Variants in DPM1 observed in about 807,000 individuals in gnomAD.
DPM1 encodes dolichyl-phosphate mannosyltransferase subunit 1, catalytic.
In DPM1, 27 loss-of-function variants were observed where a neutral mutation model predicts 39.0. The observed-to-expected ratio is 0.69, with a 90% CI of 0.51 to 0.95. The LOEUF is 0.95. DPM1 is among the 40% of genes least tolerant of loss of function. The probability of loss-of-function intolerance (pLI) is 0.00; values close to 1 mark genes in which losing one functional copy is unlikely to be tolerated. For missense variants in DPM1, 307 were observed against 315.6 expected (o/e 0.97, Z 0.21); for synonymous variants, 124 against 109.0 (o/e 1.14, Z -0.86).
chr20:50,941,887 TG>T (rs2123096880), intron 6 of DPM1, 143 bp downstream of exon 6: 1 of 729,562 alleles, frequency 1.4e-6, no homozygotes, highest in African/African-American at 1.8e-5. Flanking sequence ...CAGGAAAAAC[TG>T]TAAGAAACTA....
intron 3 of DPM1, 110 bp from the exon 4 acceptor site, chr20:50,946,033 AAGTC>A (rs1986264363): frequency 2.2e-6 from 2 of 905,858 alleles, no homozygotes; most frequent in African/African-American, 1.6e-5. Flanking sequence ...AGTTCTCTAA[AAGTC>A]AGATTAATAA....
intron 5 of DPM1, among the ~76,000 whole-genome samples, chr20:50,943,103 G>A (rs1289901522): frequency 6.6e-6 from 1 of 151,928 alleles, no homozygotes; most frequent in Non-Finnish European, 1.5e-5. Context: ...TTGAACCCGG[G>A]ACGTGGAGGT....
chr20:50,958,214 G>C lies in DPM1; in HGVS notation c.161+149C>G. On this transcript the variant is annotated intron_variant, in intron 1 of 8. Coordinates refer to ENST00000371588, the MANE Select transcript of DPM1 (RefSeq NM_003859.3). ...GAAAACCCAACAAGCATCCGCCTCT[G>C]CTTCCCTCGCAGGGTGGCCCTCTCC... 3 of 1,011,462 alleles carry C rather than the reference G, an allele frequency of 3.0e-6. No individual in the cohort carries two copies. In the South Asian group the frequency reaches 4.1e-5, roughly 14 times the overall value. The allele number at this position is 1,011,462 out of a possible 1,614,324, so 62.7% of individuals were successfully genotyped here. A position where few individuals can be genotyped will look rare whatever the true frequency, so the allele number is the denominator to read the frequency against.
rs78164404 is a variant in DPM1 at position 50,947,464 on chromosome 20, G to C, written c.295+1165C>G. On this transcript the variant is annotated intron_variant, in intron 3 of 8. Transcript: ENST00000371588. ...AGAATCTTCTGGGTTCAGATACTGA[G>C]AACATTTGATGCTTGGGAATTGATG... is the stretch of plus-strand genomic sequence containing the variant. Among the ~76,000 whole-genome samples, 775 of 152,312 alleles carry C rather than the reference G, an allele frequency of 5.1e-3. 9 individuals are homozygous for C. Among genetic ancestry groups the C allele is most frequent in the African/African-American group, 0.018 (732 of 41,550 alleles).
In DPM1 at chr20:50,945,284, TTGTGTGTG is replaced by T. The variant is rs11474633; in HGVS notation, c.398+445_398+452del. 3.0e-3 allele frequency: 466 copies of T among 157,082 alleles called. 3 individuals carry two copies. The highest frequency in any genetic ancestry group is 9.1e-3 in the African/African-American group (368 of 40,590). 9.7% of individuals were successfully genotyped at this position (157,082 alleles called of 1,614,324 possible). On this transcript the variant is annotated intron_variant, in intron 5 of 8. Coordinates refer to ENST00000371588, the MANE Select transcript of DPM1 (RefSeq NM_003859.3). Reference sequence around the variant, plus strand: ...TACATCATTTAGTCTCAAATGTGTGTTGTGTGTGTGTGTGTGTGTGTGTGTGTGTGTGT... The same window carrying T: ...TACATCATTTAGTCTCAAATGTGTGTTGTGTGTGTGTGTGTGTGTGTGTGT...
At chr20:50,944,349 C>T (rs1460689366) in intron 5 of DPM1, 3 of 152,170 alleles carry the variant, frequency 2.0e-5, no homozygotes, top group Non-Finnish European at 4.4e-5. Flanking sequence ...CCATTTTCTA[C>T]TCTACAGGTT....
chr20:50,958,310 G>T, intron 1 of DPM1, 53 bp downstream of exon 1: 1 of 1,601,746 alleles, frequency 6.2e-7, no homozygotes. Flanking sequence ...CGACACCCGG[G>T]CCGGGGAAGC....
intron 1 of DPM1, among the ~76,000 whole-genome samples, chr20:50,956,621 G>C (rs1437292341): frequency 6.6e-6 from 1 of 151,788 alleles, no homozygotes; most frequent in Non-Finnish European, 1.5e-5. Context: ...TAACAAGTCA[G>C]CCCCAGCAAA....
chr20:50,946,723 AC>A (rs755674101), intron 3 of DPM1, among the ~76,000 whole-genome samples: 1 of 152,110 alleles, frequency 6.6e-6, no homozygotes, highest in Non-Finnish European at 1.5e-5. Flanking sequence ...TCTAGTCCAG[AC>A]CCCTCACAAG....
intron 2 of DPM1, among the ~76,000 whole-genome samples, chr20:50,953,786 C>A (rs1364836448): frequency 6.6e-6 from 1 of 152,142 alleles, no homozygotes; most frequent in Non-Finnish European, 1.5e-5. Flanking sequence ...GGTTGATGGT[C>A]CGAGATTAAA....
chr20:50,954,982 G>C (rs1299477157), intron 2 of DPM1, among the ~76,000 whole-genome samples: 3 of 152,144 alleles, frequency 2.0e-5, no homozygotes, highest in Non-Finnish European at 4.4e-5. Flanking sequence ...CTCACTCTTT[G>C]CTGTAAAATG....
chr20:50,940,638 T>C (rs1192396966), intron 7 of DPM1, among the ~76,000 whole-genome samples: 1 of 152,240 alleles, frequency 6.6e-6, no homozygotes, highest in Non-Finnish European at 1.5e-5. Flanking sequence ...TTAATACTAA[T>C]GTTAACAAGC....
intron 1 of DPM1, among the ~76,000 whole-genome samples, chr20:50,957,709 G>A (rs907057654): frequency 7.9e-5 from 12 of 152,204 alleles, no homozygotes; most frequent in African/African-American, 2.7e-4. Flanking sequence ...AGATTTCACA[G>A]CATGATCCCA....
At chr20:50,948,100 T>C (rs2123122589) in intron 3 of DPM1, among the ~76,000 whole-genome samples, 1 of 152,296 alleles carries the variant, frequency 6.6e-6, no homozygotes, top group Middle Eastern at 3.4e-3. Context: ...CAAACAGCTT[T>C]GGGAGGTACA....
chr20:50,941,096 A>G (rs1383912872), intron 6 of DPM1, 163 bp from the exon 7 acceptor site: 1 of 811,344 alleles, frequency 1.2e-6, no homozygotes, highest in Non-Finnish European at 2.0e-6. Flanking sequence ...TTAGTCAATG[A>G]AAGGAGACCT....
chr20:50,948,614 G>A lies in DPM1; in HGVS notation c.295+15C>T, dbSNP rs1424759508. Reference sequence around the variant, plus strand: ...CAAGCAGCAGGTGTGAGGGGTTAGAGATTACACGACTTACCTAGTCCCAAC... The same window carrying A: ...CAAGCAGCAGGTGTGAGGGGTTAGAAATTACACGACTTACCTAGTCCCAAC... On this transcript the variant is annotated intron_variant, in intron 3 of 8. Coordinates refer to ENST00000371588, the MANE Select transcript of DPM1 (RefSeq NM_003859.3). 2 of 1,613,252 alleles carry A rather than the reference G, an allele frequency of 1.2e-6. No individual in the cohort carries two copies. The highest frequency in any genetic ancestry group is 2.7e-5 in the African/African-American group (2 of 74,892).
At chr20:50,944,738 G>GT (rs1261548164) in intron 5 of DPM1, 1 of 152,186 alleles carries the variant, frequency 6.6e-6, no homozygotes, top group Non-Finnish European at 1.5e-5. Context: ...ATTCACAGAG[G>GT]TTTTGTGGTC....
At chr20:50,938,516 G>A (rs1302104983) in intron 7 of DPM1, among the ~76,000 whole-genome samples, 1 of 151,254 alleles carries the variant, frequency 6.6e-6, no homozygotes, top group Non-Finnish European at 1.5e-5. Context: ...CCGAGTAGCT[G>A]GGACTACAGG....
At chr20:50,949,763 A>AT (rs58806831) in intron 2 of DPM1, among the ~76,000 whole-genome samples, 47,405 of 145,478 alleles carry the variant, frequency 0.33, 7,482 homozygotes, top group Non-Finnish European at 0.35. Flanking sequence ...AAAGCAGATG[A>AT]TTTTTTTTTT....
Sources: allele counts gnomAD v4.1 joint callset (sites outside exome capture counted in the v4.1 genomes callset), GRCh38; gene constraint gnomAD v4.1.1; transcripts MANE v1.5; gene names NCBI Gene and HGNC (gene_info 2026-07-23, HGNC 2026-07-21).